The following STAU1 variants were observed in gnomAD, a reference collection of about 807,000 sequenced individuals.
STAU1 encodes the protein staufen double-stranded RNA binding protein 1.
In STAU1, 13 loss-of-function variants were observed where a neutral mutation model predicts 62.9. The observed-to-expected ratio is 0.21, with a 90% CI of 0.13 to 0.33. The LOEUF (loss-of-function observed/expected upper bound fraction) is 0.33. STAU1 is among the 10% of genes least tolerant of loss of function. The pLI is 1.00. For missense variants in STAU1, 571 were observed against 712.1 expected, an observed-to-expected ratio of 0.80 and a Z score of 2.25; for synonymous variants, 269 against 265.1, an observed-to-expected ratio of 1.01 and a Z score of -0.14.
At chr20:49,191,848 C>G (rs566311884), upstream of STAU1, among the ~76,000 whole-genome samples, 3 of 151,592 alleles carry the variant, frequency 2.0e-5, no homozygotes, top group South Asian at 6.3e-4. Context: ...GTCAGGAGTT[C>G]GAGACCAGCC....
chr20:49,158,504 G>T, intron 3 of STAU1: 1 of 1,303,914 alleles, frequency 7.7e-7, no homozygotes. Context: ...TCCACTAAAG[G>T]AAAAAAACAA....
chr20:49,158,490 G>A (rs769804952), intron 3 of STAU1: 15 of 1,304,268 alleles, frequency 1.2e-5, no homozygotes, highest in African/African-American at 6.1e-5. Context: ...CTCAGTGCAC[G>A]GCTTCCACTA....
intron 1 of STAU1, among the ~76,000 whole-genome samples, chr20:49,182,639 C>T (rs1451403883): frequency 6.6e-6 from 1 of 152,110 alleles, no homozygotes; most frequent in Non-Finnish European, 1.5e-5. Context: ...GAGATCGAGA[C>T]CATTCTAGCT....
At chr20:49,137,832 ATTTTTTT>A (rs34370524) in intron 5 of STAU1, among the ~76,000 whole-genome samples, 55 of 128,444 alleles carry the variant, frequency 4.3e-4, no homozygotes, top group African/African-American at 1.5e-3. Context: ...CACCCGGCTA[ATTTTTTT>A]TTTTTTTTTT....
chr20:49,129,885 C>T (rs1483709219), intron 6 of STAU1, among the ~76,000 whole-genome samples: 5 of 152,136 alleles, frequency 3.3e-5, no homozygotes, highest in African/African-American at 9.7e-5. Flanking sequence ...ACCTTGGTTT[C>T]CTGAAGTGTT....
At chr20:49,133,390 T>C (rs2092795921) in intron 6 of STAU1, among the ~76,000 whole-genome samples, 1 of 152,024 alleles carries the variant, frequency 6.6e-6, no homozygotes, top group Non-Finnish European at 1.5e-5. Context: ...CATCTCCCAC[T>C]CCCCACGGTC....
chr20:49,185,298 C>G (rs1158009355), intron 1 of STAU1, among the ~76,000 whole-genome samples: 1 of 152,196 alleles, frequency 6.6e-6, no homozygotes, highest in Non-Finnish European at 1.5e-5. Flanking sequence ...AGGCAGGTCT[C>G]TGCCAAAACA....
At chr20:49,153,060 C>G (rs2093283124) in intron 4 of STAU1, among the ~76,000 whole-genome samples, 1 of 150,450 alleles carries the variant, frequency 6.6e-6, no homozygotes, top group African/African-American at 2.4e-5. Flanking sequence ...ACTATCCTGG[C>G]TAACAAGGTG....
At position 49,122,084 on chromosome 20, in the gene STAU1, G is replaced by A. The variant is rs114069426; in HGVS notation, c.966+1008C>T. On this transcript the variant is annotated intron_variant, in intron 8 of 13. Coordinates refer to ENST00000371856, the MANE Select transcript of STAU1 (RefSeq NM_017453.4). ...TTCTGACTGCATAGGTAAAATATACGAGGTCAACTTTCTAAGTTATAAATT... is the reference window on the plus strand; with the variant it reads ...TTCTGACTGCATAGGTAAAATATACAAGGTCAACTTTCTAAGTTATAAATT... Among the ~76,000 whole-genome samples the A allele has an allele frequency of 4.8e-3, 729 of 152,258 alleles. 3 individuals carry two copies. Among genetic ancestry groups the A allele is most frequent in the African/African-American group, 0.017 (691 of 41,548 alleles).
At chr20:49,133,846 C>T (rs559220879) in intron 6 of STAU1, among the ~76,000 whole-genome samples, 35 of 152,290 alleles carry the variant, frequency 2.3e-4, no homozygotes, top group Non-Finnish European at 4.4e-4. Flanking sequence ...ACTACAATCC[C>T]ACCTCTGGCC....
intron 3 of STAU1, among the ~76,000 whole-genome samples, chr20:49,161,000 C>T (rs2093439460): frequency 6.6e-6 from 1 of 152,106 alleles, no homozygotes; most frequent in South Asian, 2.1e-4. Flanking sequence ...GAATCCCAAA[C>T]AACCATACAC....
At chr20:49,189,119 C>T (rs915717411), upstream of STAU1, among the ~76,000 whole-genome samples, 3 of 138,576 alleles carry the variant, frequency 2.2e-5, no homozygotes, top group Non-Finnish European at 4.5e-5. Flanking sequence ...AGGAGAATCG[C>T]TTGAACCCGG....
At chr20:49,157,480 ATTTTT>A (rs964768758) in intron 3 of STAU1, among the ~76,000 whole-genome samples, 1 of 146,306 alleles carries the variant, frequency 6.8e-6, no homozygotes, top group African/African-American at 2.5e-5. Flanking sequence ...TACTTGGCTA[ATTTTT>A]TTTTTTTATT....
At chr20:49,216,007 C>CAAA in the STAU1 span, among the ~76,000 whole-genome samples, 243 of 36,292 alleles carry the variant, frequency 6.7e-3, 7 homozygotes, top group East Asian at 8.9e-3. Flanking sequence ...GACTATGTCT[C>CAAA]AAAAAAAAAA....
chr20:49,122,673 T>G (rs1411190012), intron 8 of STAU1, among the ~76,000 whole-genome samples: 1 of 152,112 alleles, frequency 6.6e-6, no homozygotes, highest in African/African-American at 2.4e-5. Flanking sequence ...ATCCCAGCAC[T>G]TTGGGAGGCT....
intron 2 of STAU1, among the ~76,000 whole-genome samples, chr20:49,172,645 A>C (rs564242221): frequency 6.6e-6 from 1 of 152,270 alleles, no homozygotes; most frequent in East Asian, 1.9e-4. Flanking sequence ...TGCAAAACAG[A>C]CCAGTGCCAA....
rs536368494 is a variant in STAU1, at chr20:49,142,532, C to T, written c.511-6601G>A. 4.6e-5 allele frequency among the ~76,000 whole-genome samples: 7 copies of T among 152,292 alleles called. No individual in the cohort carries two copies. The South Asian group carries it at 8.3e-4, about 18-fold the overall frequency. ...TACACCCTAAGCCAGTGGTTCTCAACCACAGCAGCACTACAATCACTTGGG... is the reference window on the plus strand; with the variant it reads ...TACACCCTAAGCCAGTGGTTCTCAATCACAGCAGCACTACAATCACTTGGG... On this transcript the variant is annotated intron_variant, in intron 5 of 13. Coordinates refer to ENST00000371856, the MANE Select transcript of STAU1 (RefSeq NM_017453.4).
chr20:49,180,401 G>A (rs1003770879), intron 1 of STAU1, among the ~76,000 whole-genome samples: 1 of 150,630 alleles, frequency 6.6e-6, no homozygotes, highest in Admixed American at 6.7e-5. Flanking sequence ...TCAGGTCACT[G>A]CAAACTCCAC....
At chr20:49,122,975 G>A in intron 8 of STAU1, 117 bp downstream of exon 8, 1 of 1,060,524 alleles carries the variant, frequency 9.4e-7, no homozygotes. Context: ...GTCGCTGGCA[G>A]AACATGGCCC....
Sources: gnomAD v4.1 joint callset for allele counts (sites outside exome capture counted in the v4.1 genomes callset) on GRCh38, gnomAD v4.1.1 for gene constraint, MANE v1.5 for transcripts, NCBI Gene and HGNC (gene_info 2026-07-23, HGNC 2026-07-21) for gene names.